The following CRK variants were observed in gnomAD, a reference collection of about 807,000 sequenced individuals.
The protein encoded by CRK is adapter molecule crk.
CRK carries 4 observed loss-of-function variants against 29.8 expected under a neutral mutation model. That is an observed-to-expected ratio of 0.13 (90% CI 0.07 to 0.31). The LOEUF (loss-of-function observed/expected upper bound fraction) is 0.31, where lower values mean the gene tolerates loss of function less well. Ranked by LOEUF, CRK falls within the 10% of genes least tolerant of loss-of-function variation. The probability of loss-of-function intolerance (pLI) is 1.00; values close to 1 mark genes in which losing one functional copy is unlikely to be tolerated. For synonymous variants in CRK, 153 were observed against 164.9 expected (o/e 0.93, Z 0.55); for missense variants, 274 against 396.5 (o/e 0.69, Z 2.62).
chr17:1,454,469 T>C (rs1245545274), intron 1 of CRK, among the ~76,000 whole-genome samples: 1 of 152,156 alleles, frequency 6.6e-6, no homozygotes, highest in African/African-American at 2.4e-5. Flanking sequence ...TGAGCCGAGA[T>C]TGCGCCACTG....
chr17:1,427,406 A>C (rs574553623), intron 2 of CRK, among the ~76,000 whole-genome samples: 1 of 151,968 alleles, frequency 6.6e-6, no homozygotes, highest in South Asian at 2.1e-4. Flanking sequence ...ATCCTGGCTA[A>C]CACGGTGAAA....
chr17:1,451,017 C>G (rs1191114523), intron 1 of CRK, among the ~76,000 whole-genome samples: 1 of 151,300 alleles, frequency 6.6e-6, no homozygotes, highest in Non-Finnish European at 1.5e-5. Flanking sequence ...ACGGTGAAAC[C>G]CCATCTCCAC....
In CRK at chr17:1,421,897, A is replaced by G. The variant is rs2150895882; in HGVS notation, c.*1616T>C. On this transcript the variant is annotated 3_prime_UTR_variant, in exon 3 of 3. Coordinates refer to ENST00000300574, the MANE Select transcript of CRK (RefSeq NM_016823.4). ...CAGAGACCGGTAAGTGCCTTTATAG[A>G]CTGAGAACTAACGTGGAAGTTTCAT... The G allele has an allele frequency of 6.6e-6, 1 of 152,296 alleles. No individual in the cohort carries two copies. The highest frequency in any genetic ancestry group is 2.1e-4 in the South Asian group (1 of 4,828). 9.4% of individuals were successfully genotyped at this position (152,296 alleles called of 1,614,324 possible).
At position 1,423,214 on chromosome 17, in the gene CRK, G is replaced by T; in HGVS notation, c.*299C>A. On this transcript the variant is annotated 3_prime_UTR_variant, in exon 3 of 3. Coordinates refer to ENST00000300574, the MANE Select transcript of CRK (RefSeq NM_016823.4). ...CCTGTCCATCGGTTTTCCACAGGGT[G>T]ATTTGCACTGCCTGAGAGAAAGGAG... 1 of 500,470 alleles carries T rather than the reference G, an allele frequency of 2.0e-6. No homozygotes were observed. The highest frequency in any genetic ancestry group is 3.6e-5 in the South Asian group (1 of 28,098). 31.0% of individuals were successfully genotyped at this position (500,470 alleles called of 1,614,324 possible).
At chr17:1,453,990 CAGG>C (rs2150916034) in intron 1 of CRK, among the ~76,000 whole-genome samples, 1 of 152,238 alleles carries the variant, frequency 6.6e-6, no homozygotes, top group Admixed American at 6.5e-5. Flanking sequence ...CACCTGAGAT[CAGG>C]AGTTCAAGAC....
chr17:1,446,094 T>C (rs1391552828), intron 1 of CRK, among the ~76,000 whole-genome samples: 1 of 151,962 alleles, frequency 6.6e-6, no homozygotes, highest in African/African-American at 2.4e-5. Flanking sequence ...AACTCTGAAG[T>C]GATGGAAAGA....
chr17:1,446,872 C>A (rs948928152), intron 1 of CRK, among the ~76,000 whole-genome samples: 4 of 151,982 alleles, frequency 2.6e-5, no homozygotes, highest in African/African-American at 9.7e-5. Flanking sequence ...GGATTACAGG[C>A]GTGAGCCACC....
At chr17:1,429,172 G>C (rs895977829) in intron 2 of CRK, among the ~76,000 whole-genome samples, 1 of 151,900 alleles carries the variant, frequency 6.6e-6, no homozygotes, top group Non-Finnish European at 1.5e-5. Context: ...CTACCCTGCA[G>C]AGGAAAACCA....
chr17:1,455,804 G>GGACC (rs2074051704), intron 1 of CRK, 73 bp downstream of exon 1: 2 of 1,411,186 alleles, frequency 1.4e-6, no homozygotes, highest in African/African-American at 1.5e-5. Context: ...CCGCTCTCGA[G>GGACC]GACCAGCCAG....
intron 2 of CRK, among the ~76,000 whole-genome samples, chr17:1,425,248 C>T (rs1220188476): frequency 1.3e-5 from 2 of 151,748 alleles, no homozygotes; most frequent in Non-Finnish European, 1.5e-5. Context: ...CGCCACCACG[C>T]CCAGCTAATT....
At chr17:1,447,323 C>G (rs1200435820) in intron 1 of CRK, among the ~76,000 whole-genome samples, 1 of 151,838 alleles carries the variant, frequency 6.6e-6, no homozygotes, top group Non-Finnish European at 1.5e-5. Context: ...TCACCCTGTG[C>G]TGGATTCTGA....
At chr17:1,430,930 T>A (rs961167897) in intron 2 of CRK, among the ~76,000 whole-genome samples, 1 of 151,112 alleles carries the variant, frequency 6.6e-6, no homozygotes, top group Non-Finnish European at 1.5e-5. Context: ...TAACCGGGCG[T>A]GGTAGCAGGC....
At position 1,436,764 on chromosome 17, in the gene CRK, C is replaced by G; in HGVS notation, c.633G>C (p.Gln211His). 1 of 1,588,032 alleles carries G rather than the reference C, an allele frequency of 6.3e-7. No individual in the cohort carries two copies. Among genetic ancestry groups the G allele is most frequent in the Non-Finnish European group, 8.6e-7 (1 of 1,169,576 alleles). The stretch of plus-strand genomic sequence containing the variant: ...GCCCAGGCTCCGGCCCACCCAGTGG[C>G]TGTGGGTGGGAACCCTCCTGGTTAC... ...IGGNQEGSHP[Q>H]PLGGPEPGPY... The change falls in exon 2 of 3, where the codon CAG becomes CAC. Residue 211 changes from glutamine (Q) to histidine (H), a missense_variant. Physicochemically the swap from Gln to His is conservative, Grantham distance 24. Transcript: ENST00000300574.
At chr17:1,435,863 G>C (rs1424600883) in intron 2 of CRK, among the ~76,000 whole-genome samples, 4 of 151,954 alleles carry the variant, frequency 2.6e-5, no homozygotes, top group Non-Finnish European at 5.9e-5. Flanking sequence ...CTTCTGAAAA[G>C]AAAGGAAGGG....
chr17:1,425,218 T>C (rs1350968086), intron 2 of CRK, among the ~76,000 whole-genome samples: 3 of 151,784 alleles, frequency 2.0e-5, no homozygotes, highest in African/African-American at 7.3e-5. Context: ...GCCTCCCTAG[T>C]AGCTGGGACT....
At chr17:1,443,610 A>AGGAT (rs1280240304) in intron 1 of CRK, among the ~76,000 whole-genome samples, 1 of 150,058 alleles carries the variant, frequency 6.7e-6, no homozygotes, top group Non-Finnish European at 1.5e-5. Context: ...CATGTTAGCC[A>AGGAT]GGATGGTTTC....
At position 1,421,591 on chromosome 17, in the gene CRK, A is replaced by G. The variant is rs1178165659; in HGVS notation, c.*1922T>C. ...GGTAAAATACATTAAATTAGCGTCA[A>G]CGCGTTAGTCTGCTTGCGGCCATGT... On this transcript the variant is annotated 3_prime_UTR_variant, in exon 3 of 3. Coordinates refer to ENST00000300574, the MANE Select transcript of CRK (RefSeq NM_016823.4). 6.6e-6 allele frequency: 1 copy of G among 152,200 alleles called. No homozygotes were observed. Among genetic ancestry groups the G allele is most frequent in the Non-Finnish European group, 1.5e-5 (1 of 68,040 alleles). 9.4% of individuals were successfully genotyped at this position (152,200 alleles called of 1,614,324 possible).
chr17:1,448,863 T>G (rs1180194200), intron 1 of CRK, among the ~76,000 whole-genome samples: 1 of 151,826 alleles, frequency 6.6e-6, no homozygotes, highest in Non-Finnish European at 1.5e-5. Flanking sequence ...GGCAGGAGGA[T>G]CTCTTTATTT....
In CRK at chr17:1,423,598, C is replaced by T. The variant is rs1398231816; in HGVS notation, c.830G>A (p.Gly277Glu). The T allele has an allele frequency of 1.2e-6, 2 of 1,614,144 alleles. No individual in the cohort carries two copies. The highest frequency in any genetic ancestry group is 1.7e-6 in the Non-Finnish European group (2 of 1,180,032). The change falls in exon 3 of 3, where the codon GGG (glycine) becomes GAG (glutamate). Residue 277 changes from glycine (G) to glutamate (E), a missense_variant. Physicochemically the swap from Gly to Glu is moderately conservative, Grantham distance 98. Around this residue, in one of 3 missense-constraint regions of CRK, gnomAD observed 121 missense variants for 154.3 expected, o/e 0.78. Transcript: ENST00000300574. Reference sequence around the variant, plus strand: ...GTGACCTCGTTTGCCATTACACTCCCCTTCCCACTGACCACTCACATTAAT... The same window carrying T: ...GTGACCTCGTTTGCCATTACACTCCTCTTCCCACTGACCACTCACATTAAT... The part of the protein sequence containing the change: ...TKINVSGQWE[G>E]ECNGKRGHFP...
Sources: allele counts gnomAD v4.1 joint callset (sites outside exome capture counted in the v4.1 genomes callset), GRCh38; gene constraint gnomAD v4.1.1; regional missense constraint gnomAD v4.1.1; transcripts MANE v1.5; gene names NCBI Gene and HGNC (gene_info 2026-07-23, HGNC 2026-07-21).